MMP26: variants seen among roughly 807,000 people sequenced by gnomAD.
The protein encoded by MMP26 is matrix metallopeptidase 26, also known as matrix metalloproteinase-26.
Under a neutral mutation model 31.0 loss-of-function variants are expected in MMP26, and 33 were observed. The observed-to-expected ratio is 1.06, with a 90% CI of 0.81 to 1.42. The LOEUF is 1.42. Among genes scored for constraint, MMP26 ranks in the 40% most tolerant of loss-of-function variants. The pLI is 0.00. For synonymous variants in MMP26, 122 were observed against 114.9 expected (o/e 1.06, Z -0.40); for missense variants, 347 against 316.1 (o/e 1.10, Z -0.74).
intron 2 of MMP26, among the ~76,000 whole-genome samples, chr11:4,828,799 G>A (rs762923437): frequency 5.9e-5 from 9 of 152,156 alleles, no homozygotes; most frequent in African/African-American, 1.9e-4. Context: ...AACTAGGCTG[G>A]ATATTTTGGG....
intron 1 of MMP26, among the ~76,000 whole-genome samples, chr11:4,761,972 G>A (rs1374307421): frequency 2.6e-5 from 4 of 151,934 alleles, no homozygotes; most frequent in Non-Finnish European, 5.9e-5. Context: ...GGGAACTCAA[G>A]TGGAAGCAAC....
intron 2 of MMP26, among the ~76,000 whole-genome samples, chr11:4,835,048 G>A (rs1305699068): frequency 6.6e-6 from 1 of 151,840 alleles, no homozygotes; most frequent in African/African-American, 2.4e-5. Flanking sequence ...TAAGCCTCTT[G>A]GTTAATAAAG....
intron 2 of MMP26, among the ~76,000 whole-genome samples, chr11:4,786,077 A>G (rs1162826539): frequency 1.3e-5 from 2 of 152,158 alleles, no homozygotes; most frequent in Non-Finnish European, 2.9e-5. Flanking sequence ...TATGGGGTTC[A>G]ATATAAAGCC....
chr11:4,752,593 G>T (rs1178310382), intron 1 of MMP26: 1 of 152,212 alleles, frequency 6.6e-6, no homozygotes, highest in Non-Finnish European at 1.5e-5. Flanking sequence ...TATCTTAAAG[G>T]GTTAGAAATG....
chr11:4,983,785 T>TA (rs1846848120), intron 2 of MMP26, among the ~76,000 whole-genome samples: 1 of 152,196 alleles, frequency 6.6e-6, no homozygotes, highest in Admixed American at 6.5e-5. Context: ...CATAACTACT[T>TA]AAAAAGTTTG....
At chr11:4,945,260 G>A (rs1846276995) in intron 2 of MMP26, 1 of 152,066 alleles carries the variant, frequency 6.6e-6, no homozygotes, top group Non-Finnish European at 1.5e-5. Flanking sequence ...AAATAGAAAT[G>A]CATTATACAA....
chr11:4,832,066 A>T (rs1455733138), intron 2 of MMP26: 2 of 152,350 alleles, frequency 1.3e-5, no homozygotes, highest in East Asian at 1.9e-4. Context: ...AAGTACAATT[A>T]AAAACTTTTA....
rs1254144585 is a variant in MMP26 at position 4,948,068 on chromosome 11, C to A, written c.-144-40000C>A. ...TGAATCCTGGATCCATCTCCCCAGACCCATTAGACATCACTAATTAAATAT... is the reference window on the plus strand; with the variant it reads ...TGAATCCTGGATCCATCTCCCCAGAACCATTAGACATCACTAATTAAATAT... On this transcript the variant is annotated intron_variant, in intron 2 of 7. Transcript: ENST00000380390. Among the ~76,000 whole-genome samples, 2 of 124,304 alleles carry A rather than the reference C, an allele frequency of 1.6e-5. 1 individual carries two copies. The highest frequency in any genetic ancestry group is 3.6e-5 in the Non-Finnish European group (2 of 54,888). 81.5% of individuals were successfully genotyped at this position (124,304 alleles called of 152,430 possible).
intron 2 of MMP26, among the ~76,000 whole-genome samples, chr11:4,930,019 G>C (rs1851324479): frequency 1.3e-5 from 2 of 151,948 alleles, no homozygotes; most frequent in Non-Finnish European, 2.9e-5. Flanking sequence ...AATAATCTTG[G>C]TGTGAACATA....
chr11:4,738,956 G>C (rs760717517), intron 1 of MMP26, among the ~76,000 whole-genome samples: 4 of 150,896 alleles, frequency 2.7e-5, no homozygotes, highest in African/African-American at 9.9e-5. Flanking sequence ...CCCGTACCTT[G>C]CTAGAGTTTT....
intron 1 of MMP26, among the ~76,000 whole-genome samples, chr11:4,722,001 T>A (rs1848019143): frequency 6.6e-6 from 1 of 152,216 alleles, no homozygotes; most frequent in Non-Finnish European, 1.5e-5. Context: ...TAATCCCCAA[T>A]GGGTCACATC....
chr11:4,715,562 G>C (rs766973751), intron 1 of MMP26, among the ~76,000 whole-genome samples: 1 of 152,146 alleles, frequency 6.6e-6, no homozygotes, highest in African/African-American at 2.4e-5. Flanking sequence ...TGCTATATTT[G>C]GTAGTTTGGT....
intron 2 of MMP26, among the ~76,000 whole-genome samples, chr11:4,797,986 A>C (rs539304692): frequency 1.9e-4 from 29 of 152,326 alleles, no homozygotes; most frequent in African/African-American, 6.7e-4. Flanking sequence ...CTCATCTACA[A>C]AGTGGAATTG....
intron 2 of MMP26, among the ~76,000 whole-genome samples, chr11:4,880,526 T>A (rs989869344): frequency 6.6e-6 from 1 of 151,906 alleles, no homozygotes; most frequent in Non-Finnish European, 1.5e-5. Flanking sequence ...GACTCAAAAC[T>A]CCCTTTCTGT....
chr11:4,859,881 C>T (rs1384923503), intron 2 of MMP26: 2 of 471,144 alleles, frequency 4.2e-6, no homozygotes, highest in South Asian at 1.5e-5. Context: ...AGACAATGCC[C>T]AGCACAGTCT....
At chr11:4,778,652 C>T (rs1249333875) in intron 2 of MMP26, among the ~76,000 whole-genome samples, 1 of 151,968 alleles carries the variant, frequency 6.6e-6, no homozygotes, top group East Asian at 1.9e-4. Flanking sequence ...TGTAGGAAAA[C>T]CTGCTAAAAT....
chr11:4,858,669 T>C (rs1169340217), intron 2 of MMP26, among the ~76,000 whole-genome samples: 1 of 152,200 alleles, frequency 6.6e-6, no homozygotes, highest in Non-Finnish European at 1.5e-5. Context: ...ATAGATTCAA[T>C]GCCATCCCCA....
At chr11:4,848,399 A>T (rs1849907791) in intron 2 of MMP26, 1 of 1,614,020 alleles carries the variant, frequency 6.2e-7, no homozygotes, top group African/African-American at 1.3e-5. Context: ...GCAGCTCAGG[A>T]TGGTTAATCA....
intron 2 of MMP26, among the ~76,000 whole-genome samples, chr11:4,968,957 C>G (rs1230644185): frequency 2.0e-5 from 3 of 151,916 alleles, no homozygotes; most frequent in African/African-American, 7.2e-5. Flanking sequence ...ATCTTTCATA[C>G]TTCATACTTT....
Sources: allele counts gnomAD v4.1 joint callset (sites outside exome capture counted in the v4.1 genomes callset), GRCh38; gene constraint gnomAD v4.1.1; transcripts MANE v1.5; gene names NCBI Gene and HGNC (gene_info 2026-07-23, HGNC 2026-07-21).